The following TMEM131 variants were observed in gnomAD, a reference collection of about 807,000 sequenced individuals.
TMEM131 encodes the protein 2610524E03Rik.
A neutral mutation model predicts 211.6 loss-of-function variants in TMEM131; 66 were observed. The observed-to-expected ratio is 0.31, with a 90% CI of 0.26 to 0.38. TMEM131 has a LOEUF of 0.38. TMEM131 is among the 10% of genes least tolerant of loss of function. The pLI is 1.00. For synonymous variants in TMEM131, 844 were observed against 841.3 expected, an observed-to-expected ratio of 1.00 and a Z score of -0.06; for missense variants, 2,036 against 2,299.3, an observed-to-expected ratio of 0.89 and a Z score of 2.34.
At position 97,995,820 on chromosome 2, in the gene TMEM131, G is replaced by A. The variant is rs879055448; in HGVS notation, c.-158C>T. 1.0e-3 allele frequency: 346 copies of A among 338,480 alleles called. 1 individual carries two copies. The Middle Eastern group carries it at 0.012, about 11-fold the overall frequency. 21.0% of individuals were successfully genotyped at this position (338,480 alleles called of 1,614,324 possible). On this transcript the variant is annotated 5_prime_UTR_variant, in exon 1 of 41. It adds an upstream start codon to the 5' untranslated region. Coordinates refer to ENST00000186436, the MANE Select transcript of TMEM131 (RefSeq NM_015348.2). ...GATCTCCGAGCGTGGGCCTGGGTCC[G>A]TGCGTGCGTGTGAGCGAGAGTGTCA...
rs117481422 is a variant in TMEM131, at chr2:97,909,545, G to A, written c.250-847C>T. On this transcript the variant is annotated intron_variant, in intron 2 of 40. Transcript: ENST00000186436. Reference sequence around the variant, plus strand: ...GAAATGGAAGTTCTTATTGATGTACGAGAAAATGCCAATGCTATAAGGAAT... The same window carrying A: ...GAAATGGAAGTTCTTATTGATGTACAAGAAAATGCCAATGCTATAAGGAAT... Among the ~76,000 whole-genome samples the A allele has an allele frequency of 2.4e-4, 37 of 152,264 alleles. 1 individual carries two copies. In the East Asian group the frequency reaches 2.7e-3, roughly 11 times the overall value.
Position 97,844,239 on chromosome 2 carries a change from G to T in TMEM131, c.506C>A (p.Thr169Lys). Reference protein sequence around the residue: ...QNRKILPGGNTSFDVVFLARV... With the variant: ...QNRKILPGGNKSFDVVFLARV... The stretch of plus-strand genomic sequence containing the variant: ...TGCAAGAAAAACTACATCAAATGAT[G>T]TATTTCCTCCTGGAAGAATTTTCTG... Residue 169 changes from threonine (T) to lysine (K), a missense_variant, in exon 6 of 41, where the codon ACA becomes AAA. Coordinates refer to ENST00000186436, the MANE Select transcript of TMEM131 (RefSeq NM_015348.2). 7.6e-7 allele frequency: 1 copy of T among 1,313,332 alleles called. No individual in the cohort carries two copies. The highest frequency in any genetic ancestry group is 1.0e-6 in the Non-Finnish European group (1 of 1,000,750). 81.4% of individuals were successfully genotyped at this position (1,313,332 alleles called of 1,614,324 possible). A position where few individuals can be genotyped will look rare whatever the true frequency, so the allele number is the denominator to read the frequency against.
At chr2:97,865,116 A>C (rs1361944847) in intron 4 of TMEM131, among the ~76,000 whole-genome samples, 1 of 152,238 alleles carries the variant, frequency 6.6e-6, no homozygotes, top group Non-Finnish European at 1.5e-5. Context: ...TTTGGGGATT[A>C]TCTCTCCTTT....
intron 2 of TMEM131, among the ~76,000 whole-genome samples, chr2:97,910,194 G>A (rs1378660124): frequency 6.7e-6 from 1 of 150,280 alleles, no homozygotes; most frequent in African/African-American, 2.4e-5. Flanking sequence ...TACCTGTTTG[G>A]ATGACTACTA....
intron 1 of TMEM131, among the ~76,000 whole-genome samples, chr2:97,939,670 T>C (rs1261980782): frequency 6.6e-6 from 1 of 152,152 alleles, no homozygotes; most frequent in East Asian, 1.9e-4. Flanking sequence ...CCCTAACTCA[T>C]CTTATGAGGC....
chr2:97,882,972 G>C (rs1032491521), intron 4 of TMEM131, among the ~76,000 whole-genome samples: 1 of 152,202 alleles, frequency 6.6e-6, no homozygotes, highest in African/African-American at 2.4e-5. Flanking sequence ...TAGATCTAGA[G>C]GCTGGGAAAT....
chr2:97,871,705 C>T lies in TMEM131; in HGVS notation c.360-12278G>A, dbSNP rs553602687. ...ACATTCCTCATTCCCTAGCCCCCTG[C>T]CCACAAAACTATCCTTGTAAAACCC... On this transcript the variant is annotated intron_variant, in intron 4 of 40. Coordinates refer to ENST00000186436, the MANE Select transcript of TMEM131 (RefSeq NM_015348.2). 2.6e-5 allele frequency among the ~76,000 whole-genome samples: 4 copies of T among 152,294 alleles called. No homozygotes were observed. In the East Asian group the frequency reaches 7.7e-4, roughly 29 times the overall value.
At chr2:97,824,526 C>T (rs1031454781) in intron 11 of TMEM131, among the ~76,000 whole-genome samples, 56 of 151,986 alleles carry the variant, frequency 3.7e-4, no homozygotes, top group African/African-American at 1.2e-3. Context: ...ATGCCTTTCT[C>T]GTTATGCCTG....
chr2:97,809,031 G>A (rs1033307524), intron 19 of TMEM131, among the ~76,000 whole-genome samples: 1 of 152,124 alleles, frequency 6.6e-6, no homozygotes, highest in African/African-American at 2.4e-5. Context: ...GCCAGTCTGC[G>A]GGTTGGCCTC....
intron 3 of TMEM131, among the ~76,000 whole-genome samples, chr2:97,897,746 A>G (rs1328681986): frequency 6.6e-6 from 1 of 152,102 alleles, no homozygotes; most frequent in Non-Finnish European, 1.5e-5. Flanking sequence ...CGTGTAAGGA[A>G]GGACATTCTA....
intron 5 of TMEM131, among the ~76,000 whole-genome samples, chr2:97,857,288 GC>G (rs1673887679): frequency 6.6e-6 from 1 of 152,154 alleles, no homozygotes; most frequent in Non-Finnish European, 1.5e-5. Context: ...CCCGGTGGGG[GC>G]TGATCTCTTC....
At chr2:97,886,485 CTG>C (rs1191262191) in intron 4 of TMEM131, among the ~76,000 whole-genome samples, 2 of 152,090 alleles carry the variant, frequency 1.3e-5, no homozygotes. Flanking sequence ...TTTGGTGCAT[CTG>C]TGTCTAGGTG....
chr2:97,888,112 A>G lies in TMEM131; in HGVS notation c.299T>C (p.Leu100Pro). The change falls in exon 4 of 41, where the codon CTC becomes CCC. Residue 100 changes from leucine to proline, a missense_variant. By Grantham distance (98) the Leu-to-Pro change is moderately conservative. Transcript: ENST00000186436. Reference protein sequence around the residue: ...LSSYQQKSISLYRGNCRPIRF... With the variant: ...LSSYQQKSISPYRGNCRPIRF... ...TATGGGCCTGCAATTCCCCCGGTAG[A>G]GAGATATACTGTAAATAAAAAGAAA... is the stretch of plus-strand genomic sequence containing the variant. 6.2e-7 allele frequency: 1 copy of G among 1,612,736 alleles called. No homozygotes were observed. The highest frequency in any genetic ancestry group is 1.1e-5 in the South Asian group (1 of 90,956).
intron 1 of TMEM131, among the ~76,000 whole-genome samples, chr2:97,963,118 A>G (rs1678894785): frequency 6.6e-6 from 1 of 152,234 alleles, no homozygotes; most frequent in South Asian, 2.1e-4. Flanking sequence ...GAAACTAATC[A>G]AAATGCACAC....
intron 2 of TMEM131, among the ~76,000 whole-genome samples, chr2:97,922,506 C>T (rs1385390951): frequency 2.0e-5 from 3 of 151,964 alleles, no homozygotes; most frequent in African/African-American, 7.3e-5. Context: ...TAAATTGGGG[C>T]ATATCCATAC....
chr2:97,918,759 T>C (rs1216243025), intron 2 of TMEM131, among the ~76,000 whole-genome samples: 13 of 152,218 alleles, frequency 8.5e-5, no homozygotes. Context: ...GGAAGAAAAC[T>C]GAACACAGAC....
chr2:97,844,039 C>T, intron 6 of TMEM131, 106 bp downstream of exon 6: 1 of 370,558 alleles, frequency 2.7e-6, no homozygotes, highest in Non-Finnish European at 5.0e-6. Flanking sequence ...TAAACTCCTA[C>T]ATTTTCTATT....
chr2:97,822,014 G>A (rs182733233), intron 11 of TMEM131, among the ~76,000 whole-genome samples: 2 of 152,286 alleles, frequency 1.3e-5, no homozygotes, highest in African/African-American at 4.8e-5. Context: ...TTGCCCAAGC[G>A]AGACTTGCCT....
chr2:97,832,591 A>C (rs1312559217), intron 11 of TMEM131, among the ~76,000 whole-genome samples: 1 of 152,174 alleles, frequency 6.6e-6, no homozygotes, highest in Non-Finnish European at 1.5e-5. Flanking sequence ...AGGTCCCTTA[A>C]ATCTCAAGCC....
Sources: allele counts gnomAD v4.1 joint callset (sites outside exome capture counted in the v4.1 genomes callset), GRCh38; gene constraint gnomAD v4.1.1; transcripts MANE v1.5; gene names NCBI Gene and HGNC (gene_info 2026-07-23, HGNC 2026-07-21).